KLKB1: variants seen among roughly 807,000 people sequenced by gnomAD.
KLKB1 encodes the protein plasma kallikrein.
A neutral mutation model predicts 73.6 loss-of-function variants in KLKB1; 58 were observed. The observed-to-expected ratio is 0.79, with a 90% CI of 0.64 to 0.98. KLKB1 has a LOEUF of 0.98. Among genes scored for constraint, KLKB1 ranks in the 50% least tolerant of loss-of-function variants. The probability of loss-of-function intolerance (pLI) is 0.00; values close to 1 mark genes in which losing one functional copy is unlikely to be tolerated. For synonymous variants in KLKB1, 280 were observed against 258.1 expected (o/e 1.08, Z -0.81); for missense variants, 737 against 763.8 (o/e 0.96, Z 0.41).
chr4:186,225,762 G>C (rs185735605), upstream of KLKB1, among the ~76,000 whole-genome samples: 89 of 152,046 alleles, frequency 5.9e-4, 1 homozygote, highest in African/African-American at 1.8e-3. Flanking sequence ...AATCTATTTG[G>C]AGTTCTTTTG....
chr4:186,253,928 C>T lies in KLKB1; in HGVS notation c.1314-660C>T, dbSNP rs532276893. Among the ~76,000 whole-genome samples, 24 of 152,192 alleles carry T rather than the reference C, an allele frequency of 1.6e-4. No individual in the cohort carries two copies. The East Asian group carries it at 2.1e-3, about 13-fold the overall frequency. ...TTGGTTCACTGCAGCCTCTGCCTCCCGGGTTCAAGCGATTCTCCTGCCTCA... is the reference window on the plus strand; with the variant it reads ...TTGGTTCACTGCAGCCTCTGCCTCCTGGGTTCAAGCGATTCTCCTGCCTCA... On this transcript the variant is annotated intron_variant, in intron 11 of 14. Transcript: ENST00000264690.
chr4:186,239,405 TGTTATA>T (rs1314858467), intron 6 of KLKB1, among the ~76,000 whole-genome samples: 245 of 145,132 alleles, frequency 1.7e-3, no homozygotes, highest in Middle Eastern at 4.1e-3. Flanking sequence ...ACAGTGATAT[TGTTATA>T]GTTATAGGAA....
chr4:186,229,136 A>C (rs1205654253), intron 2 of KLKB1: 1 of 152,212 alleles, frequency 6.6e-6, no homozygotes, highest in Non-Finnish European at 1.5e-5. Flanking sequence ...AACCCACTGA[A>C]AGGTGAGAAG....
In KLKB1 at chr4:186,214,825, G is replaced by T. The variant is rs1736840945; in HGVS notation, c.201+5553G>T. On this transcript the variant is annotated intron_variant, in intron 2 of 14. Coordinates refer to the KLKB1 transcript ENST00000511608. ...TTCTTGTCCAGAAGTTCACCAAATGGTTATTTCCTTGGGCTGAATTCAGTT... is the reference window on the plus strand; with the variant it reads ...TTCTTGTCCAGAAGTTCACCAAATGTTTATTTCCTTGGGCTGAATTCAGTT... Among the ~76,000 whole-genome samples, 2 of 152,174 alleles carry T rather than the reference G, an allele frequency of 1.3e-5. 1 individual carries two copies. Among genetic ancestry groups the T allele is most frequent in the South Asian group, 4.1e-4 (2 of 4,828 alleles).
intron 6 of KLKB1, among the ~76,000 whole-genome samples, chr4:186,245,834 TTTA>T (rs1738315987): frequency 7.0e-6 from 1 of 142,610 alleles, no homozygotes; most frequent in African/African-American, 2.5e-5. Context: ...GTTTTTTTTT[TTTA>T]ATGTCAGGAG....
intron 2 of KLKB1, among the ~76,000 whole-genome samples, chr4:186,216,872 A>G (rs376493354): frequency 1.2e-3 from 190 of 152,326 alleles, no homozygotes; most frequent in African/African-American, 4.5e-3. Flanking sequence ...GGCTCATGTA[A>G]TAAGATTTGG....
At chr4:186,229,977 TAC>T (rs1737318849) in intron 2 of KLKB1, among the ~76,000 whole-genome samples, 1 of 151,986 alleles carries the variant, frequency 6.6e-6, no homozygotes. Context: ...CTTAAGACAA[TAC>T]ACAGGCCTGA....
chr4:186,256,997 C>CTG (rs778577606), intron 13 of KLKB1, among the ~76,000 whole-genome samples: 315 of 148,682 alleles, frequency 2.1e-3, no homozygotes, highest in African/African-American at 4.6e-3. Flanking sequence ...GTCTCTCTCT[C>CTG]TCTGTGTGTG....
chr4:186,252,543 C>T (rs1738743159), intron 11 of KLKB1, among the ~76,000 whole-genome samples: 1 of 149,042 alleles, frequency 6.7e-6, no homozygotes, highest in Non-Finnish European at 1.5e-5. Flanking sequence ...TCCTACCACC[C>T]ACCATCAATC....
upstream of KLKB1, chr4:186,227,505 G>T (rs1440344962): frequency 6.6e-6 from 1 of 152,306 alleles, no homozygotes; most frequent in Middle Eastern, 3.4e-3. Context: ...AATATTGCCT[G>T]CAGTGCCACA....
At chr4:186,236,657 A>G (rs1446755862) in intron 4 of KLKB1, 124 bp from the exon 5 acceptor site, 12 of 819,220 alleles carry the variant, frequency 1.5e-5, no homozygotes, top group Non-Finnish European at 1.4e-5. Flanking sequence ...CCCTTAGTTA[A>G]TATAGCAGTT....
intron 2 of KLKB1, among the ~76,000 whole-genome samples, chr4:186,215,973 A>C (rs1189787484): frequency 6.6e-6 from 1 of 152,212 alleles, no homozygotes; most frequent in Non-Finnish European, 1.5e-5. Context: ...TGTTCTGGAA[A>C]GGCAAGGACT....
At position 186,251,857 on chromosome 4, in the gene KLKB1, C is replaced by T. The variant is rs368165642; in HGVS notation, c.1140C>T (p.Asn380=). ...TGAGATTGTGTAACACTGGGGACAA[C>T]TCTGGTGAGTAACCTCACTTTTTCG... ...YSLRLCNTGD[N]SVCTTKTSTR... is the part of the protein sequence containing the mutation. Residue 380 remains asparagine (N), a synonymous_variant, in exon 10 of 15, where the codon AAC becomes AAT. Coordinates refer to ENST00000264690, the MANE Select transcript of KLKB1 (RefSeq NM_000892.5). The T allele has an allele frequency of 5.7e-5, 92 of 1,610,948 alleles. No homozygotes were observed. Among genetic ancestry groups the T allele is most frequent in the African/African-American group, 8.0e-5 (6 of 74,880 alleles).
rs952882634 is a variant in KLKB1 at position 186,247,039 on chromosome 4, G to A, written c.599-3204G>A. Among the ~76,000 whole-genome samples, 4 of 152,174 alleles carry A rather than the reference G, an allele frequency of 2.6e-5. No homozygotes were observed. In the East Asian group the frequency reaches 7.7e-4, roughly 29 times the overall value. ...AAGAGGTTGAGGGATAGGGAGAGAG[G>A]TTGGATAAGAGAGTAAAAAGAGGCT... On this transcript the variant is annotated intron_variant, in intron 6 of 14. Coordinates refer to ENST00000264690, the MANE Select transcript of KLKB1 (RefSeq NM_000892.5).
intron 11 of KLKB1, among the ~76,000 whole-genome samples, chr4:186,253,089 C>T (rs1406688367): frequency 2.0e-5 from 3 of 151,970 alleles, no homozygotes; most frequent in East Asian, 1.9e-4. Context: ...GTAATAGTCC[C>T]GAATTTGTAA....
chr4:186,251,861 G>C lies in KLKB1; in HGVS notation c.1144G>C (p.Val382Leu). ...LRLCNTGDNS[V>L]CTTKTSTRIV... ...ATTGTGTAACACTGGGGACAACTCT[G>C]GTGAGTAACCTCACTTTTTCGTGGA... The change falls in exon 10 of 15, where the codon GTC (valine) becomes CTC (leucine). Residue 382 changes from valine (V) to leucine (L), a missense_variant and splice_region_variant. Coordinates refer to ENST00000264690, the MANE Select transcript of KLKB1 (RefSeq NM_000892.5). 6.2e-7 allele frequency: 1 copy of C among 1,609,256 alleles called. No individual in the cohort carries two copies.
At chr4:186,213,176 G>A (rs1300413439) in intron 2 of KLKB1, 1 of 152,108 alleles carries the variant, frequency 6.6e-6, no homozygotes, top group Non-Finnish European at 1.5e-5. Context: ...TAATCAGTAA[G>A]TCATTTAAGC....
Position 186,256,056 on chromosome 4 carries a change from G to T in KLKB1, c.1554G>T (p.Trp518Cys). Residue 518 changes from tryptophan to cysteine, a missense_variant, in exon 13 of 15, where the codon TGG becomes TGT. Trp to Cys is a radical substitution (Grantham distance 215, BLOSUM62 -2). Coordinates refer to ENST00000264690, the MANE Select transcript of KLKB1 (RefSeq NM_000892.5). ...GDTSTIYTNC[W>C]VTGWGFSKEK... ...CAAGCACAATTTATACCAACTGTTG[G>T]GTAACCGGATGGGGCTTCTCGAAGG... 2 of 1,612,576 alleles carry T rather than the reference G, an allele frequency of 1.2e-6. No homozygotes were observed. The highest frequency in any genetic ancestry group is 1.7e-6 in the Non-Finnish European group (2 of 1,178,626).
At chr4:186,228,356 G>A (rs1251664728) in intron 2 of KLKB1, 103 bp downstream of exon 2, 15 of 741,314 alleles carry the variant, frequency 2.0e-5, no homozygotes, top group African/African-American at 3.5e-5. Flanking sequence ...AGCTTCGGGG[G>A]TGGAGATTGT....
Sources: allele counts gnomAD v4.1 joint callset (sites outside exome capture counted in the v4.1 genomes callset), GRCh38; gene constraint gnomAD v4.1.1; transcripts MANE v1.5; gene names NCBI Gene and HGNC (gene_info 2026-07-23, HGNC 2026-07-21).